WDPCP: variants seen among roughly 807,000 people sequenced by gnomAD.
WDPCP encodes the protein WD repeat-containing and planar cell polarity effector protein fritz homolog.
In WDPCP, 71 loss-of-function variants were observed where a neutral mutation model predicts 93.1. The observed-to-expected ratio is 0.76, with a 90% CI of 0.63 to 0.93. The LOEUF (loss-of-function observed/expected upper bound fraction) is 0.93. WDPCP is among the 40% of genes least tolerant of loss of function. WDPCP has a pLI of 0.00. For missense variants in WDPCP, 844 were observed against 887.4 expected, an observed-to-expected ratio of 0.95 and a Z score of 0.62; for synonymous variants, 315 against 315.0, an observed-to-expected ratio of 1.00 and a Z score of 0.00.
intron 1 of WDPCP, among the ~76,000 whole-genome samples, chr2:63,506,899 G>T (rs1391904119): frequency 6.6e-6 from 1 of 151,890 alleles, no homozygotes; most frequent in African/African-American, 2.4e-5. Context: ...ATAAAAATAT[G>T]AGAGCCAAAA....
intron 3 of WDPCP, among the ~76,000 whole-genome samples, chr2:63,638,467 T>A (rs534209852): frequency 6.6e-6 from 1 of 152,250 alleles, no homozygotes; most frequent in East Asian, 1.9e-4. Flanking sequence ...TACAATTTTA[T>A]CAATTATACC....
chr2:63,178,763 T>C (rs1026040694), intron 14 of WDPCP, among the ~76,000 whole-genome samples: 2 of 152,214 alleles, frequency 1.3e-5, no homozygotes, highest in Non-Finnish European at 2.9e-5. Context: ...TAGTTTGTTT[T>C]TCTTTCTTTT....
chr2:63,717,387 G>A, intron 2 of WDPCP: 1 of 436,008 alleles, frequency 2.3e-6, no homozygotes, highest in Non-Finnish European at 4.4e-6. Context: ...TGATCCTGAT[G>A]ATAGTGTCTG....
chr2:63,740,220 G>T lies in WDPCP; in HGVS notation n.308+73402C>A, dbSNP rs10176590. 7.6e-4 allele frequency among the ~76,000 whole-genome samples: 115 copies of T among 152,182 alleles called. No homozygotes were observed. In the Middle Eastern group the frequency reaches 0.01, roughly 14 times the overall value. ...ATATAGCTTGGGGTAGAATTGCTGA[G>T]TCAGAGGATATATGTATATTCAGCT... On this transcript the variant is annotated intron_variant and non_coding_transcript_variant, in intron 2 of 4. Coordinates refer to the WDPCP transcript ENST00000467687.
Position 63,477,566 on chromosome 2 carries a change from G to GAGC in WDPCP, c.384+7035_384+7037dup, listed in dbSNP as rs569677800. On this transcript the variant is annotated intron_variant, in intron 6 of 17. Coordinates refer to ENST00000272321, the MANE Select transcript of WDPCP (RefSeq NM_015910.7). ...ACTAAAGCTCCCACTCAGACACACA[G>GAGC]AGCAGCACGTGGGGACACACATCAT... is the stretch of plus-strand genomic sequence containing the variant. Among the ~76,000 whole-genome samples, 17 of 152,230 alleles carry GAGC rather than the reference G, an allele frequency of 1.1e-4. No individual in the cohort carries two copies. In the South Asian group the frequency reaches 3.5e-3, roughly 32 times the overall value.
At chr2:63,151,903 G>A (rs1348434997) in intron 17 of WDPCP, among the ~76,000 whole-genome samples, 2 of 151,988 alleles carry the variant, frequency 1.3e-5, no homozygotes, top group Admixed American at 6.6e-5. Flanking sequence ...GAAATGACTC[G>A]CCCAAAGTTA....
rs182520069 is a variant in WDPCP, at chr2:63,557,304, C to A, written c.75+30893G>T. Reference sequence around the variant, plus strand: ...AGACACACAAAGGCTCAAAATAAAACGATGAAGGAAAATTTACCAAGCAAA... The same window carrying A: ...AGACACACAAAGGCTCAAAATAAAAAGATGAAGGAAAATTTACCAAGCAAA... On this transcript the variant is annotated intron_variant, in intron 1 of 17. Coordinates refer to ENST00000272321, the MANE Select transcript of WDPCP (RefSeq NM_015910.7). Among the ~76,000 whole-genome samples, 409 of 152,070 alleles carry A rather than the reference C, an allele frequency of 2.7e-3. 1 individual carries two copies. Among genetic ancestry groups the A allele is most frequent in the African/African-American group, 9.3e-3 (385 of 41,476 alleles).
intron 1 of WDPCP, among the ~76,000 whole-genome samples, chr2:63,826,479 T>G (rs1671115737): frequency 6.6e-6 from 1 of 152,184 alleles, no homozygotes; most frequent in Admixed American, 6.5e-5. Flanking sequence ...TTTAGTTCTT[T>G]TTTCTCTTTT....
intron 9 of WDPCP, among the ~76,000 whole-genome samples, chr2:63,428,035 G>A (rs1575402101): frequency 1.3e-5 from 2 of 151,940 alleles, no homozygotes; most frequent in East Asian, 3.9e-4. Context: ...GAAAGAAAGT[G>A]AAAACCTGAA....
intron 13 of WDPCP, among the ~76,000 whole-genome samples, chr2:63,291,099 G>A (rs749276959): frequency 1.3e-5 from 2 of 152,048 alleles, no homozygotes; most frequent in Non-Finnish European, 2.9e-5. Flanking sequence ...ATACTGATCT[G>A]TCTTTAAGTT....
intron 2 of WDPCP, among the ~76,000 whole-genome samples, chr2:63,667,131 C>T (rs1710293701): frequency 6.6e-6 from 1 of 152,164 alleles, no homozygotes; most frequent in South Asian, 2.1e-4. Flanking sequence ...TAAATAAGAG[C>T]AGTTTATGTC....
chr2:63,236,580 T>G (rs1368097114), intron 14 of WDPCP, among the ~76,000 whole-genome samples: 1 of 152,022 alleles, frequency 6.6e-6, no homozygotes, highest in Non-Finnish European at 1.5e-5. Context: ...TCAAACGACA[T>G]TACAAGACTG....
At chr2:63,179,697 T>G (rs1674090932) in intron 14 of WDPCP, among the ~76,000 whole-genome samples, 1 of 152,052 alleles carries the variant, frequency 6.6e-6, no homozygotes, top group Non-Finnish European at 1.5e-5. Context: ...CACAGGAACA[T>G]TTTTTTCATT....
intron 17 of WDPCP, among the ~76,000 whole-genome samples, chr2:63,133,097 C>G (rs1248712248): frequency 6.6e-6 from 1 of 152,228 alleles, no homozygotes; most frequent in Non-Finnish European, 1.5e-5. Flanking sequence ...AAGGTCTTCT[C>G]AGGTCTTTAC....
chr2:63,149,732 AG>A (rs1265167587), intron 17 of WDPCP, among the ~76,000 whole-genome samples: 1 of 152,244 alleles, frequency 6.6e-6, no homozygotes, highest in Non-Finnish European at 1.5e-5. Flanking sequence ...GTAAGTAACA[AG>A]AAGAATGCAC....
chr2:63,526,459 A>G (rs1260337237), intron 1 of WDPCP, among the ~76,000 whole-genome samples: 2 of 152,230 alleles, frequency 1.3e-5, no homozygotes, highest in African/African-American at 4.8e-5. Flanking sequence ...TTGTAAATTA[A>G]GAGGAAAGAT....
intron 3 of WDPCP, among the ~76,000 whole-genome samples, chr2:63,639,668 T>C (rs923366834): frequency 6.6e-6 from 1 of 152,182 alleles, no homozygotes; most frequent in Non-Finnish European, 1.5e-5. Flanking sequence ...ATTTAAATCA[T>C]AGCAGAAGAT....
At chr2:63,405,898 T>C (rs1423838281) in intron 9 of WDPCP, among the ~76,000 whole-genome samples, 2 of 152,112 alleles carry the variant, frequency 1.3e-5, no homozygotes, top group Non-Finnish European at 2.9e-5. Context: ...AAAAGGTGCA[T>C]GTAAAATCTG....
chr2:63,773,614 A>T (rs921678363), intron 2 of WDPCP, among the ~76,000 whole-genome samples: 2 of 152,116 alleles, frequency 1.3e-5, no homozygotes, highest in African/African-American at 4.8e-5. Flanking sequence ...AATAATTCAT[A>T]AAGATACTTG....
Sources: allele counts gnomAD v4.1 joint callset (sites outside exome capture counted in the v4.1 genomes callset), GRCh38; gene constraint gnomAD v4.1.1; transcripts MANE v1.5; gene names NCBI Gene and HGNC (gene_info 2026-07-23, HGNC 2026-07-21).